LHFPL2: variants seen among roughly 807,000 people sequenced by gnomAD.
LHFPL2 encodes the protein LHFPL tetraspan subfamily member 2, also known as LHFPL tetraspan subfamily member 2 protein.
A neutral mutation model predicts 17.5 loss-of-function variants in LHFPL2; 7 were observed. The ratio of observed to expected loss-of-function variants is 0.40; its 90% CI spans 0.23 to 0.75. The LOEUF is 0.75. Ranked by LOEUF, LHFPL2 falls within the 30% of genes least tolerant of loss-of-function variation. LHFPL2 has a pLI of 0.37. For synonymous variants in LHFPL2, 134 were observed against 116.2 expected, an observed-to-expected ratio of 1.15 and a Z score of -0.99; for missense variants, 241 against 294.8, an observed-to-expected ratio of 0.82 and a Z score of 1.34.
rs78923639 is a variant in LHFPL2 at position 78,542,182 on chromosome 5, C to T, written c.-186+22631G>A. 9.3e-3 allele frequency among the ~76,000 whole-genome samples: 1,419 copies of T among 151,856 alleles called. 17 individuals carry two copies. The highest frequency in any genetic ancestry group is 0.033 in the African/African-American group (1,355 of 41,390). ...TCCACATCCTTCAAAAATAAATTCT[C>T]CAGCACTATGTGCCAGCTCTGATCT... is the stretch of plus-strand genomic sequence containing the variant. On this transcript the variant is annotated intron_variant, in intron 3 of 4. Transcript: ENST00000380345.
intron 3 of LHFPL2, among the ~76,000 whole-genome samples, chr5:78,546,500 T>C (rs1157268028): frequency 6.6e-6 from 1 of 152,198 alleles, no homozygotes; most frequent in Non-Finnish European, 1.5e-5. Context: ...TAATAGAACC[T>C]ACATTTTGTA....
intron 1 of LHFPL2, among the ~76,000 whole-genome samples, chr5:78,633,681 C>A (rs772163015): frequency 6.6e-6 from 1 of 152,174 alleles, no homozygotes; most frequent in African/African-American, 2.4e-5. Flanking sequence ...CTGGTTTTTA[C>A]GCATGGCACC....
At chr5:78,496,430 TCTAA>T (rs1754609032) in intron 4 of LHFPL2, among the ~76,000 whole-genome samples, 1 of 152,208 alleles carries the variant, frequency 6.6e-6, no homozygotes, top group African/African-American at 2.4e-5. Context: ...TAGCAGCCCA[TCTAA>T]CTATTAAACA....
chr5:78,508,531 T>C (rs1418294463), intron 4 of LHFPL2, among the ~76,000 whole-genome samples: 1 of 152,184 alleles, frequency 6.6e-6, no homozygotes, highest in Non-Finnish European at 1.5e-5. Context: ...CCTCCTAAGA[T>C]CTGAGGAACA....
intron 2 of LHFPL2, among the ~76,000 whole-genome samples, chr5:78,594,167 T>C (rs776179997): frequency 7.9e-5 from 12 of 152,162 alleles, no homozygotes; most frequent in Non-Finnish European, 1.3e-4. Context: ...CTTTATGCAA[T>C]CCTGCTTCTC....
intron 2 of LHFPL2, among the ~76,000 whole-genome samples, chr5:78,571,942 C>T (rs995445114): frequency 6.6e-6 from 1 of 152,056 alleles, no homozygotes; most frequent in African/African-American, 2.4e-5. Flanking sequence ...TATGTAGATC[C>T]CTAACACCAG....
intron 1 of LHFPL2, among the ~76,000 whole-genome samples, chr5:78,646,403 G>A (rs1010856841): frequency 6.6e-6 from 1 of 152,176 alleles, no homozygotes; most frequent in Non-Finnish European, 1.5e-5. Flanking sequence ...AACACTTTCT[G>A]AGCACTTAGC....
At chr5:78,555,769 A>G (rs1034284011) in intron 3 of LHFPL2, among the ~76,000 whole-genome samples, 1 of 152,232 alleles carries the variant, frequency 6.6e-6, no homozygotes, top group South Asian at 2.1e-4. Flanking sequence ...GTGGGCTGGA[A>G]AAGCCAGAGG....
intron 3 of LHFPL2, among the ~76,000 whole-genome samples, chr5:78,527,602 A>G (rs1336059744): frequency 6.6e-6 from 1 of 152,032 alleles, no homozygotes; most frequent in East Asian, 1.9e-4. Context: ...AAGTCCTCTG[A>G]CTGGAAACAG....
At chr5:78,489,681 A>G (rs1408832950) in intron 4 of LHFPL2, among the ~76,000 whole-genome samples, 4 of 152,300 alleles carry the variant, frequency 2.6e-5, no homozygotes, top group East Asian at 1.9e-4. Flanking sequence ...ACTTGTTACT[A>G]TGTATTCCCA....
intron 3 of LHFPL2, among the ~76,000 whole-genome samples, chr5:78,539,410 G>C (rs906561863): frequency 5.9e-5 from 9 of 152,144 alleles, no homozygotes; most frequent in Admixed American, 1.3e-4. Flanking sequence ...CTTGAAGCCT[G>C]TTTCCTTATC....
intron 2 of LHFPL2, among the ~76,000 whole-genome samples, chr5:78,607,787 T>G (rs1052459658): frequency 4.0e-5 from 6 of 151,048 alleles, no homozygotes; most frequent in African/African-American, 1.5e-4. Flanking sequence ...AAGTGGTAGG[T>G]TTTTTTTCCC....
intron 3 of LHFPL2, among the ~76,000 whole-genome samples, chr5:78,558,653 G>A (rs1046101681): frequency 2.0e-5 from 3 of 152,062 alleles, no homozygotes; most frequent in Non-Finnish European, 4.4e-5. Context: ...CATTTATTAC[G>A]GGAGATCCAA....
At chr5:78,548,373 G>A (rs771228791) in intron 3 of LHFPL2, among the ~76,000 whole-genome samples, 5 of 152,208 alleles carry the variant, frequency 3.3e-5, no homozygotes, top group African/African-American at 4.8e-5. Context: ...CCTCCGTGGG[G>A]AGCGCCCACC....
chr5:78,633,924 G>A lies in LHFPL2; in HGVS notation c.-349-1556C>T, dbSNP rs142709502. ...ACTCCATAAATGAAACAGTGAGGTC[G>A]CCCTGGAAGGCTCCATGTGGTTTTA... On this transcript the variant is annotated intron_variant, in intron 1 of 4. Transcript: ENST00000380345. Among the ~76,000 whole-genome samples the A allele has an allele frequency of 3.7e-3, 565 of 152,110 alleles. 3 individuals are homozygous for A. The highest frequency in any genetic ancestry group is 0.013 in the African/African-American group (530 of 41,490).
At chr5:78,511,963 G>A (rs1239548700) in intron 3 of LHFPL2, among the ~76,000 whole-genome samples, 4 of 152,128 alleles carry the variant, frequency 2.6e-5, no homozygotes. Context: ...TGACCATATG[G>A]ATGCCTAACT....
At chr5:78,635,789 C>T (rs568363191) in intron 1 of LHFPL2, among the ~76,000 whole-genome samples, 159 of 151,286 alleles carry the variant, frequency 1.1e-3, no homozygotes, top group African/African-American at 3.7e-3. Context: ...GGTGACAGAG[C>T]GAGACTCCGT....
chr5:78,587,320 T>C (rs1259910060), intron 2 of LHFPL2, among the ~76,000 whole-genome samples: 1 of 152,218 alleles, frequency 6.6e-6, no homozygotes, highest in Non-Finnish European at 1.5e-5. Flanking sequence ...GGACAAATGA[T>C]GACAATGGTA....
At chr5:78,626,878 C>T (rs1298717842) in intron 2 of LHFPL2, among the ~76,000 whole-genome samples, 3 of 151,760 alleles carry the variant, frequency 2.0e-5, no homozygotes, top group South Asian at 2.1e-4. Context: ...GTCAGGAGTT[C>T]GAGACCAGCC....
Sources: allele counts gnomAD v4.1 joint callset (sites outside exome capture counted in the v4.1 genomes callset), GRCh38; gene constraint gnomAD v4.1.1; transcripts MANE v1.5; gene names NCBI Gene and HGNC (gene_info 2026-07-23, HGNC 2026-07-21).